PLEKHG1: variants seen among roughly 807,000 people sequenced by gnomAD.
The protein encoded by PLEKHG1 is pleckstrin homology and RhoGEF domain containing G1, also known as pleckstrin homology domain-containing family G member 1.
In PLEKHG1, 44 loss-of-function variants were observed where a neutral mutation model predicts 100.8. That is an observed-to-expected ratio of 0.44 (90% CI 0.34 to 0.56). The LOEUF (loss-of-function observed/expected upper bound fraction) is 0.56, where lower values mean the gene tolerates loss of function less well. Ranked by LOEUF, PLEKHG1 falls within the 20% of genes least tolerant of loss-of-function variation. The pLI, the probability that PLEKHG1 is intolerant of heterozygous loss-of-function variation, is 0.01. For missense variants in PLEKHG1, 1,545 were observed against 1,720.9 expected, an observed-to-expected ratio of 0.90 and a Z score of 1.81; for synonymous variants, 640 against 662.5, an observed-to-expected ratio of 0.97 and a Z score of 0.52.
At chr6:150,817,644 G>A (rs1428632654) in intron 10 of PLEKHG1, among the ~76,000 whole-genome samples, 1 of 145,296 alleles carries the variant, frequency 6.9e-6, no homozygotes, top group African/African-American at 2.6e-5. Flanking sequence ...TGCAACCTCC[G>A]CTTCCTGGGT....
chr6:150,668,354 G>A (rs536311786), intron 3 of PLEKHG1, among the ~76,000 whole-genome samples: 91 of 152,186 alleles, frequency 6.0e-4, no homozygotes, highest in African/African-American at 2.2e-3. Context: ...CTGTAGTCCA[G>A]TTCCAAAAAA....
chr6:150,791,925 T>C (rs1786005871), intron 4 of PLEKHG1, among the ~76,000 whole-genome samples: 3 of 152,188 alleles, frequency 2.0e-5, no homozygotes, highest in Admixed American at 2.0e-4. Context: ...ATAATGATAC[T>C]ATTTATGGTG....
intron 2 of PLEKHG1, among the ~76,000 whole-genome samples, chr6:150,642,411 G>C (rs1778309348): frequency 6.6e-6 from 1 of 152,122 alleles, no homozygotes; most frequent in African/African-American, 2.4e-5. Context: ...CCAAAACCTT[G>C]CTAACTTTCA....
rs188504753 is a variant in PLEKHG1, at chr6:150,824,143, C to T, written c.1470+467C>T. Among the ~76,000 whole-genome samples the T allele has an allele frequency of 5.9e-5, 9 of 152,306 alleles. No homozygotes were observed. In the East Asian group the frequency reaches 1.3e-3, roughly 23 times the overall value. Reference sequence around the variant, plus strand: ...CTGCTGCTGACGTAAGAGGTGATGGCGTATGATCGAATGAGACTTTGTCAT... The same window carrying T: ...CTGCTGCTGACGTAAGAGGTGATGGTGTATGATCGAATGAGACTTTGTCAT... On this transcript the variant is annotated intron_variant, in intron 14 of 15. Coordinates refer to ENST00000358517, the Ensembl canonical transcript of PLEKHG1.
At chr6:150,691,382 A>G (rs1780345983) in intron 3 of PLEKHG1, among the ~76,000 whole-genome samples, 1 of 152,110 alleles carries the variant, frequency 6.6e-6, no homozygotes, top group African/African-American at 2.4e-5. Flanking sequence ...TACTTCAGGG[A>G]TGAGTGAAAT....
intron 3 of PLEKHG1, among the ~76,000 whole-genome samples, chr6:150,678,974 T>C (rs1779848023): frequency 6.6e-6 from 1 of 152,234 alleles, no homozygotes; most frequent in Admixed American, 6.5e-5. Context: ...TCAGCCTAAA[T>C]TCATTAACTT....
At chr6:150,603,236 A>G (rs948279964) in intron 1 of PLEKHG1, among the ~76,000 whole-genome samples, 1 of 152,174 alleles carries the variant, frequency 6.6e-6, no homozygotes. Context: ...AAGCAACCTC[A>G]TGCTTGTGTG....
In PLEKHG1 at chr6:150,828,019, T is replaced by G; in HGVS notation, c.1471-2563T>G. On this transcript the variant is annotated intron_variant, in intron 14 of 15. Coordinates refer to ENST00000358517, the Ensembl canonical transcript of PLEKHG1. ...GAGGGCTTGTGGGTCATCTTGCACC[T>G]TTACAAACAAGGAATTCCCCTCTGT... 5.0e-6 allele frequency: 8 copies of G among 1,613,084 alleles called. 1 individual carries two copies. The South Asian group carries it at 8.8e-5, about 18-fold the overall frequency.
At position 150,683,826 on chromosome 6, in the gene PLEKHG1, G is replaced by A; in HGVS notation, c.-99+33040G>A. 1 of 1,288,410 alleles carries A rather than the reference G, an allele frequency of 7.8e-7. No individual in the cohort carries two copies. Among genetic ancestry groups the A allele is most frequent in the South Asian group, 1.2e-5 (1 of 80,924 alleles). The allele number at this position is 1,288,410 out of a possible 1,614,324, so 79.8% of individuals were successfully genotyped here. ...TGCTGCCTGGACAAATCGTGTTCTGGGCCAAAGCATCACAGGCGAGTGAAA... is the reference window on the plus strand; with the variant it reads ...TGCTGCCTGGACAAATCGTGTTCTGAGCCAAAGCATCACAGGCGAGTGAAA... On this transcript the variant is annotated intron_variant, in intron 3 of 3. Transcript: ENST00000367326. The surrounding 1 kb of genome is among the most constrained non-coding windows in gnomAD (Gnocchi z 4.0).
exon 15 of PLEKHG1, chr6:150,830,993 A>G (rs1298642300): frequency 1.2e-6 from 2 of 1,614,062 alleles, no homozygotes; most frequent in Non-Finnish European, 1.7e-6. Flanking sequence ...TAGTGACAGA[A>G]CTAGGGAACT....
chr6:150,617,529 T>G (rs553513577), intron 1 of PLEKHG1, among the ~76,000 whole-genome samples: 2 of 152,350 alleles, frequency 1.3e-5, no homozygotes, highest in African/African-American at 4.8e-5. Context: ...AGAAGAAGAC[T>G]GTTAATGTCA....
At chr6:150,704,698 CTGA>C (rs1485021052) in intron 3 of PLEKHG1, among the ~76,000 whole-genome samples, 2 of 152,374 alleles carry the variant, frequency 1.3e-5, no homozygotes, top group African/African-American at 4.8e-5. Flanking sequence ...GAAAATCTTG[CTGA>C]TGATGATTGT....
At chr6:150,718,890 C>CAAA (rs111800365), upstream of PLEKHG1, among the ~76,000 whole-genome samples, 1,917 of 144,114 alleles carry the variant, frequency 0.013, 38 homozygotes, top group African/African-American at 0.047. Flanking sequence ...AATATAAAGG[C>CAAA]AAAAAAAAAA....
intron 3 of PLEKHG1, among the ~76,000 whole-genome samples, chr6:150,782,638 A>G (rs368615521): frequency 8.5e-5 from 13 of 152,344 alleles, no homozygotes; most frequent in South Asian, 6.2e-4. Flanking sequence ...AGATTGCAAC[A>G]GATAGAATGC....
chr6:150,750,395 G>A (rs896526820), intron 2 of PLEKHG1, among the ~76,000 whole-genome samples: 1 of 152,128 alleles, frequency 6.6e-6, no homozygotes, highest in African/African-American at 2.4e-5. Flanking sequence ...CCAGTCTCTG[G>A]GGCCGGGGTC....
intron 1 of PLEKHG1, among the ~76,000 whole-genome samples, chr6:150,606,797 G>C (rs1245747217): frequency 6.6e-6 from 1 of 152,042 alleles, no homozygotes; most frequent in Non-Finnish European, 1.5e-5. Flanking sequence ...TGTCACCCAA[G>C]CCCCTGGCAC....
Position 150,706,507 on chromosome 6 carries a change from A to G in PLEKHG1, c.-98-27077A>G, listed in dbSNP as rs147723959. On this transcript the variant is annotated intron_variant, in intron 3 of 3. Transcript: ENST00000367326. ...TGCACACCTGTGGTCCCAACTACCCAGAAGGCTTAGGCAGGAGGATCACCT... is the reference window on the plus strand; with the variant it reads ...TGCACACCTGTGGTCCCAACTACCCGGAAGGCTTAGGCAGGAGGATCACCT... Among the ~76,000 whole-genome samples the G allele has an allele frequency of 8.0e-3, 1,148 of 143,404 alleles. 15 individuals are homozygous for G. The highest frequency in any genetic ancestry group is 0.042 in the South Asian group (180 of 4,286). 94.1% of individuals were successfully genotyped at this position (143,404 alleles called of 152,430 possible).
At chr6:150,629,156 T>C (rs917764013) in intron 1 of PLEKHG1, among the ~76,000 whole-genome samples, 16 of 152,164 alleles carry the variant, frequency 1.1e-4, no homozygotes, top group Non-Finnish European at 2.4e-4. Flanking sequence ...AAATAAAGGA[T>C]TGGACAGAGG....
intron 1 of PLEKHG1, among the ~76,000 whole-genome samples, chr6:150,620,869 G>C (rs1048323505): frequency 1.3e-5 from 2 of 152,130 alleles, no homozygotes; most frequent in Admixed American, 6.5e-5. Flanking sequence ...ATGAAGAATG[G>C]GAGAGAGAAT....
Sources: allele counts gnomAD v4.1 joint callset (sites outside exome capture counted in the v4.1 genomes callset), GRCh38; gene constraint gnomAD v4.1.1; non-coding constraint Gnocchi (gnomAD v3.1); transcripts MANE v1.5; gene names NCBI Gene and HGNC (gene_info 2026-07-23, HGNC 2026-07-21).